The following GLRA3 variants were observed in gnomAD, a reference collection of about 807,000 sequenced individuals.
GLRA3 encodes the protein glycine receptor subunit alpha-3.
GLRA3 carries 44 observed loss-of-function variants against 60.4 expected under a neutral mutation model. That is an observed-to-expected ratio of 0.73 (90% CI 0.57 to 0.94). GLRA3 has a LOEUF of 0.94. GLRA3 is among the 40% of genes least tolerant of loss of function. GLRA3 has a pLI of 0.00. For missense variants in GLRA3, 508 were observed against 564.6 expected (o/e 0.90, Z 1.02); for synonymous variants, 223 against 192.9 (o/e 1.16, Z -1.29).
intron 1 of GLRA3, among the ~76,000 whole-genome samples, chr4:174,799,000 T>A (rs1338405762): frequency 6.6e-6 from 1 of 151,982 alleles, no homozygotes; most frequent in Non-Finnish European, 1.5e-5. Flanking sequence ...GCTACTAGGA[T>A]CTTGATTCTT....
Position 174,677,183 on chromosome 4 carries a change from T to A in GLRA3, c.822A>T (p.Ser274=). The change falls in exon 7 of 10, where the codon TCA becomes TCT. Residue 274 remains serine, a synonymous_variant. Transcript: ENST00000274093. ...GTGCTGCATCCATGTTGATCCAGAATGAAACCCAGGATAGAATAACAATCA... is the reference window on the plus strand; with the variant it reads ...GTGCTGCATCCATGTTGATCCAGAAAGAAACCCAGGATAGAATAACAATCA... ...SLLIVILSWV[S]FWINMDAAPA... is the part of the protein sequence containing the mutation. 6.2e-7 allele frequency: 1 copy of A among 1,612,912 alleles called. No individual in the cohort carries two copies. Among genetic ancestry groups the A allele is most frequent in the Non-Finnish European group, 8.5e-7 (1 of 1,178,974 alleles).
chr4:174,751,288 A>G (rs942785020), intron 3 of GLRA3, among the ~76,000 whole-genome samples: 2 of 152,098 alleles, frequency 1.3e-5, no homozygotes, highest in African/African-American at 4.8e-5. Context: ...ACTCCATGTA[A>G]ATATTTTGAG....
At chr4:174,695,668 AAAACTG>A (rs1283054998) in intron 5 of GLRA3, among the ~76,000 whole-genome samples, 3 of 152,182 alleles carry the variant, frequency 2.0e-5, no homozygotes, top group African/African-American at 7.2e-5. Context: ...ATTCCCCTTG[AAAACTG>A]GCACAAGACG....
chr4:174,776,007 G>A (rs1220514337), intron 2 of GLRA3, among the ~76,000 whole-genome samples: 1 of 152,058 alleles, frequency 6.6e-6, no homozygotes, highest in African/African-American at 2.4e-5. Flanking sequence ...GAGAGGGGAA[G>A]GAGGTGGAGA....
rs1031499358 is a variant in GLRA3, at chr4:174,649,962, C to A, written c.1117-5898G>T. 3.3e-5 allele frequency among the ~76,000 whole-genome samples: 5 copies of A among 152,116 alleles called. No homozygotes were observed. The East Asian group carries it at 9.7e-4, about 30-fold the overall frequency. On this transcript the variant is annotated intron_variant, in intron 9 of 9. Coordinates refer to ENST00000274093, the MANE Select transcript of GLRA3 (RefSeq NM_006529.4). ...ACAACCGGATAAGAAACAATTTGGT[C>A]CAGATCATTGTCAAAAGTAAGTTTT...
At chr4:174,799,572 CAT>C (rs887098618) in intron 1 of GLRA3, among the ~76,000 whole-genome samples, 3 of 152,174 alleles carry the variant, frequency 2.0e-5, no homozygotes, top group African/African-American at 7.2e-5. Flanking sequence ...GGCGAACTCA[CAT>C]GAGTTAGAGA....
chr4:174,712,860 T>A (rs1735766024), intron 5 of GLRA3: 1 of 151,990 alleles, frequency 6.6e-6, no homozygotes, highest in African/African-American at 2.4e-5. Flanking sequence ...TATACACACA[T>A]ATATATGTAG....
At chr4:174,684,715 A>G (rs376967052) in intron 5 of GLRA3, among the ~76,000 whole-genome samples, 10 of 152,264 alleles carry the variant, frequency 6.6e-5, no homozygotes, top group African/African-American at 2.4e-4. Context: ...AATGGTCGGT[A>G]TGTTAAAAGC....
Position 174,677,064 on chromosome 4 carries a change from T to C in GLRA3, c.927+14A>G, listed in dbSNP as rs1228545386. 4.8e-6 allele frequency: 7 copies of C among 1,473,032 alleles called. No individual in the cohort carries two copies. The highest frequency in any genetic ancestry group is 6.7e-6 in the Non-Finnish European group (7 of 1,051,454). 91.2% of individuals were successfully genotyped at this position (1,473,032 alleles called of 1,614,324 possible). ...GTGTGTGCAAAGATGTGCATGCTCATTCAGTGCACTTACTTTTGGCAAGGA... is the reference window on the plus strand; with the variant it reads ...GTGTGTGCAAAGATGTGCATGCTCACTCAGTGCACTTACTTTTGGCAAGGA... On this transcript the variant is annotated intron_variant, in intron 7 of 9. Transcript: ENST00000274093.
intron 1 of GLRA3, among the ~76,000 whole-genome samples, chr4:174,813,930 G>A (rs112895470): frequency 4.6e-5 from 7 of 152,220 alleles, no homozygotes; most frequent in African/African-American, 1.4e-4. Context: ...GGGTTAGCTC[G>A]TTTACTCAGC....
At position 174,688,579 on chromosome 4, in the gene GLRA3, AGTGTGTGT is replaced by A. The variant is rs59653917; in HGVS notation, c.575-5648_575-5641del. 2.0e-3 allele frequency among the ~76,000 whole-genome samples: 267 copies of A among 133,902 alleles called. 2 individuals are homozygous for A. Among genetic ancestry groups the A allele is most frequent in the African/African-American group, 3.8e-3 (133 of 35,102 alleles). 87.8% of individuals were successfully genotyped at this position (133,902 alleles called of 152,430 possible). A position where few individuals can be genotyped will look rare whatever the true frequency, so the allele number is the denominator to read the frequency against. On this transcript the variant is annotated intron_variant, in intron 5 of 9. Coordinates refer to ENST00000274093, the MANE Select transcript of GLRA3 (RefSeq NM_006529.4). Reference sequence around the variant, plus strand: ...GAGAAGGGATAAAGGGGAAGGAGGAAGTGTGTGTGTGTGTGTGTGTGTGTGTGTGTGTG... The same window carrying A: ...GAGAAGGGATAAAGGGGAAGGAGGAAGTGTGTGTGTGTGTGTGTGTGTGTG...
At chr4:174,757,030 T>C (rs1357477232) in intron 3 of GLRA3, among the ~76,000 whole-genome samples, 1 of 152,218 alleles carries the variant, frequency 6.6e-6, no homozygotes, top group Non-Finnish European at 1.5e-5. Context: ...TTCTCCATTG[T>C]TATTTAGCAT....
intron 3 of GLRA3, among the ~76,000 whole-genome samples, chr4:174,730,413 A>G (rs1561082473): frequency 6.6e-6 from 1 of 152,130 alleles, no homozygotes; most frequent in Non-Finnish European, 1.5e-5. Flanking sequence ...AGTTATAATC[A>G]TACCTGCCAG....
rs540120126 is a variant in GLRA3, at chr4:174,700,119, TA to T, written c.574+15368del. ...AGATGACAGAAACAGTGATTGTAAT[TA>T]GGTAGAAGATGAAGTTTTAATCACA... On this transcript the variant is annotated intron_variant, in intron 5 of 9. Coordinates refer to ENST00000274093, the MANE Select transcript of GLRA3 (RefSeq NM_006529.4). Among the ~76,000 whole-genome samples the T allele has an allele frequency of 2.7e-3, 407 of 152,288 alleles. 2 individuals carry two copies. The highest frequency in any genetic ancestry group is 9.6e-3 in the African/African-American group (398 of 41,572).
At chr4:174,707,422 A>G (rs60210770) in intron 5 of GLRA3, among the ~76,000 whole-genome samples, 22,858 of 152,164 alleles carry the variant, frequency 0.15, 1,757 homozygotes, top group East Asian at 0.19. Flanking sequence ...TAGTACTCAG[A>G]TGACTGTAGA....
intron 3 of GLRA3, among the ~76,000 whole-genome samples, chr4:174,732,360 TA>T (rs780031779): frequency 5.3e-3 from 578 of 109,908 alleles, no homozygotes; most frequent in Middle Eastern, 8.9e-3. Context: ...ACTCAAAAAT[TA>T]AAAAAAAAAA....
chr4:174,807,517 CA>C (rs1740098523), intron 1 of GLRA3, among the ~76,000 whole-genome samples: 1 of 151,880 alleles, frequency 6.6e-6, no homozygotes, highest in Non-Finnish European at 1.5e-5. Flanking sequence ...ATGATAAAAA[CA>C]GGTATTGTCA....
rs1419339736 is a variant in GLRA3, at chr4:174,813,544, A to G, written c.71+15197T>C. The stretch of plus-strand genomic sequence containing the variant: ...GCCTCGTAACCAGTTGCATCAGCCT[A>G]CACTGGTCTGTTTCATTGTTCATCT... On this transcript the variant is annotated intron_variant, in intron 1 of 9. Coordinates refer to ENST00000274093, the MANE Select transcript of GLRA3 (RefSeq NM_006529.4). Among the ~76,000 whole-genome samples, 3 of 152,316 alleles carry G rather than the reference A, an allele frequency of 2.0e-5. No individual in the cohort carries two copies. The East Asian group carries it at 5.8e-4, about 29-fold the overall frequency.
intron 6 of GLRA3, among the ~76,000 whole-genome samples, chr4:174,679,103 G>A (rs1012518013): frequency 2.0e-5 from 3 of 152,006 alleles, no homozygotes; most frequent in Non-Finnish European, 2.9e-5. Flanking sequence ...AGGCCGAGGC[G>A]GGAGAATCAT....
Sources: allele counts gnomAD v4.1 joint callset (sites outside exome capture counted in the v4.1 genomes callset), GRCh38; gene constraint gnomAD v4.1.1; transcripts MANE v1.5; gene names NCBI Gene and HGNC (gene_info 2026-07-23, HGNC 2026-07-21).